DPP10: variants seen among roughly 807,000 people sequenced by gnomAD.
DPP10 encodes the protein dipeptidyl peptidase like 10.
Under a neutral mutation model 120.9 loss-of-function variants are expected in DPP10, and 33 were observed. The observed-to-expected ratio is 0.27, with a 90% CI of 0.21 to 0.37. The LOEUF (loss-of-function observed/expected upper bound fraction) is 0.37, where lower values mean the gene tolerates loss of function less well. DPP10 is among the 10% of genes least tolerant of loss of function. The pLI is 1.00. For missense variants in DPP10, 816 were observed against 942.8 expected, an observed-to-expected ratio of 0.87 and a Z score of 1.76; for synonymous variants, 337 against 326.1, an observed-to-expected ratio of 1.03 and a Z score of -0.36.
chr2:114,514,786 C>CT (rs145530478), intron 1 of DPP10, among the ~76,000 whole-genome samples: 22,420 of 148,190 alleles, frequency 0.15, 1,800 homozygotes, highest in East Asian at 0.24. Flanking sequence ...TTTTTTGTTC[C>CT]TTTTTTTTTC....
At chr2:115,244,572 T>C (rs559169320) in intron 1 of DPP10, among the ~76,000 whole-genome samples, 1 of 151,906 alleles carries the variant, frequency 6.6e-6, no homozygotes, top group African/African-American at 2.4e-5. Context: ...TTCATAAAAT[T>C]ATAGTGAGAG....
At chr2:114,986,850 A>C (rs1700427341) in intron 1 of DPP10, among the ~76,000 whole-genome samples, 1 of 152,094 alleles carries the variant, frequency 6.6e-6, no homozygotes, top group South Asian at 2.1e-4. Context: ...GGCTCACTGC[A>C]ACCTCCACCT....
At chr2:115,673,700 A>G (rs1265230564) in intron 5 of DPP10, among the ~76,000 whole-genome samples, 3 of 152,132 alleles carry the variant, frequency 2.0e-5, no homozygotes, top group African/African-American at 7.2e-5. Context: ...TAGGTGTGAT[A>G]TTTCAAACCT....
chr2:115,715,497 C>T (rs1173215403), intron 7 of DPP10, among the ~76,000 whole-genome samples: 1 of 152,100 alleles, frequency 6.6e-6, no homozygotes, highest in Non-Finnish European at 1.5e-5. Context: ...CCTCAGATTC[C>T]AACAACACTT....
chr2:114,899,614 T>C (rs940942509), intron 1 of DPP10, among the ~76,000 whole-genome samples: 11 of 149,354 alleles, frequency 7.4e-5, no homozygotes, highest in Admixed American at 2.7e-4. Flanking sequence ...AAATCATCAG[T>C]TTTATTCTTT....
In DPP10 at chr2:115,477,153, A is replaced by G. The variant is rs185628258; in HGVS notation, c.272-22357A>G. Among the ~76,000 whole-genome samples the G allele has an allele frequency of 3.3e-5, 5 of 152,266 alleles. No individual in the cohort carries two copies. In the East Asian group the frequency reaches 9.6e-4, roughly 29 times the overall value. ...CCACTTCTATTCAACATAGTACTGGAATTTCTGATCAAGGAAATTAGCCAA... is the reference window on the plus strand; with the variant it reads ...CCACTTCTATTCAACATAGTACTGGGATTTCTGATCAAGGAAATTAGCCAA... On this transcript the variant is annotated intron_variant, in intron 3 of 25. Coordinates refer to ENST00000410059, the MANE Select transcript of DPP10 (RefSeq NM_020868.6).
intron 1 of DPP10, among the ~76,000 whole-genome samples, chr2:114,632,705 A>G (rs886328876): frequency 1.3e-5 from 2 of 151,352 alleles, no homozygotes; most frequent in African/African-American, 4.9e-5. Context: ...GTAGAGACAG[A>G]GTTTCACCGT....
At chr2:115,650,415 G>A (rs115182994) in intron 5 of DPP10, among the ~76,000 whole-genome samples, 6 of 145,570 alleles carry the variant, frequency 4.1e-5, no homozygotes, top group East Asian at 2.2e-4. Flanking sequence ...GGGAAAGGGG[G>A]GGGGGGATAA....
At chr2:114,971,520 A>C (rs939379491) in intron 1 of DPP10, among the ~76,000 whole-genome samples, 2 of 152,206 alleles carry the variant, frequency 1.3e-5, no homozygotes, top group African/African-American at 4.8e-5. Context: ...AAGAACTGGC[A>C]CATTAAAATT....
At chr2:115,056,823 G>A (rs753265721) in intron 1 of DPP10, among the ~76,000 whole-genome samples, 5 of 152,154 alleles carry the variant, frequency 3.3e-5, no homozygotes, top group South Asian at 2.1e-4. Flanking sequence ...TGGGGATATC[G>A]GCTTATAGCC....
intron 1 of DPP10, among the ~76,000 whole-genome samples, chr2:114,643,662 G>A (rs1052050250): frequency 6.6e-6 from 1 of 151,728 alleles, no homozygotes; most frequent in Non-Finnish European, 1.5e-5. Flanking sequence ...TTTAGAAGGG[G>A]TTGCTGTAGT....
intron 1 of DPP10, among the ~76,000 whole-genome samples, chr2:115,244,120 T>TA (rs1268439787): frequency 6.7e-6 from 1 of 150,056 alleles, no homozygotes. Context: ...CATTTGAAAT[T>TA]AAAAAAAATC....
chr2:114,661,615 C>T (rs1697409915), intron 1 of DPP10, among the ~76,000 whole-genome samples: 1 of 152,164 alleles, frequency 6.6e-6, no homozygotes, highest in Non-Finnish European at 1.5e-5. Flanking sequence ...CATTCATTAG[C>T]TAAGTAACTC....
chr2:115,682,320 G>A (rs921190942), intron 5 of DPP10, among the ~76,000 whole-genome samples: 1 of 151,866 alleles, frequency 6.6e-6, no homozygotes, highest in African/African-American at 2.4e-5. Context: ...GGAGAGGTCT[G>A]GTCCATGAAA....
chr2:115,233,212 A>AGTGTGT (rs72071460), intron 1 of DPP10, among the ~76,000 whole-genome samples: 1 of 148,844 alleles, frequency 6.7e-6, no homozygotes, highest in African/African-American at 2.5e-5. Flanking sequence ...AGGTATATTG[A>AGTGTGT]GTGTGTGTGT....
intron 8 of DPP10, among the ~76,000 whole-genome samples, chr2:115,732,537 A>G (rs1473295469): frequency 2.0e-5 from 3 of 152,214 alleles, no homozygotes; most frequent in Non-Finnish European, 4.4e-5. Flanking sequence ...CAAAACACGT[A>G]TAATGTTATT....
At chr2:114,710,343 A>G (rs1397319412) in intron 1 of DPP10, among the ~76,000 whole-genome samples, 2 of 152,222 alleles carry the variant, frequency 1.3e-5, no homozygotes, top group Non-Finnish European at 2.9e-5. Flanking sequence ...TCCCTGCTAT[A>G]CAATAAGTTG....
intron 1 of DPP10, among the ~76,000 whole-genome samples, chr2:115,003,481 A>G (rs1701593059): frequency 6.6e-6 from 1 of 152,118 alleles, no homozygotes; most frequent in Non-Finnish European, 1.5e-5. Context: ...GTTTACCTAT[A>G]GAACAAATTT....
intron 1 of DPP10, among the ~76,000 whole-genome samples, chr2:114,775,576 C>G (rs1681652748): frequency 6.6e-6 from 1 of 152,134 alleles, no homozygotes; most frequent in South Asian, 2.1e-4. Flanking sequence ...AGGTAGATCT[C>G]AGCTGGAGGG....
Sources: gnomAD v4.1 joint callset for allele counts (sites outside exome capture counted in the v4.1 genomes callset) on GRCh38, gnomAD v4.1.1 for gene constraint, MANE v1.5 for transcripts, NCBI Gene and HGNC (gene_info 2026-07-23, HGNC 2026-07-21) for gene names.